The following ABCA7 variants were observed in gnomAD, a reference collection of about 807,000 sequenced individuals.
ABCA7 encodes phospholipid-transporting ATPase ABCA7.
A neutral mutation model predicts 227.6 loss-of-function variants in ABCA7; 261 were observed. That is an observed-to-expected ratio of 1.15 (90% confidence interval 1.04 to 1.27). ABCA7 has a LOEUF of 1.27. Ranked by LOEUF, ABCA7 falls within the 50% of genes most tolerant of loss-of-function variation. The pLI is 0.00. For missense variants in ABCA7, 3,331 were observed against 2,924.5 expected (o/e 1.14, Z -3.21); for synonymous variants, 1,488 against 1,279.7 (o/e 1.16, Z -3.47).
chr19:1,060,409 C>A (rs1408475560), intron 40 of ABCA7, among the ~76,000 whole-genome samples: 1 of 151,580 alleles, frequency 6.6e-6, no homozygotes, highest in South Asian at 2.1e-4. Context: ...CGGGGTTTCA[C>A]CATGTTGGCC....
chr19:1,046,317 G>A lies in ABCA7; in HGVS notation c.1533G>A (p.Glu511=), dbSNP rs758858591. ...GGFVYLQDLV[E]RAAVRVLSGA... ...TCGTGTACCTGCAAGACCTGGTGGA[G>A]CGTGCAGCCGTCCGCGTGCTCAGCG... Residue 511 remains glutamate, a synonymous_variant, in exon 13 of 47, where the codon GAG becomes GAA. Transcript: ENST00000263094. 6.9e-6 allele frequency: 11 copies of A among 1,604,320 alleles called. No homozygotes were observed. Among genetic ancestry groups the A allele is most frequent in the Non-Finnish European group, 8.5e-6 (10 of 1,179,422 alleles).
chr19:1,047,518 C>A lies in ABCA7; in HGVS notation c.2133C>A (p.Gly711=). ...CESLALLEEQ[G]EGAQWHNVGT... ...GCCTGGCTCTGCTGGAGGAGCAGGG[C>A]GAGGGCGCGCAGTGGCACAACGTGG... The change falls in exon 16 of 47, where the codon GGC becomes GGA. Residue 711 remains glycine, a synonymous_variant. Transcript: ENST00000263094. 1 of 1,589,438 alleles carries A rather than the reference C, an allele frequency of 6.3e-7. No individual in the cohort carries two copies.
chr19:1,062,437 A>G (rs1207861381), intron 42 of ABCA7, 124 bp downstream of exon 42: 35 of 1,455,396 alleles, frequency 2.4e-5, no homozygotes, highest in Non-Finnish European at 3.2e-5. Flanking sequence ...CTGCCCCCAG[A>G]CCGTGCTTCC....
chr19:1,047,679 G>A (rs1397115230), intron 16 of ABCA7, 25 bp downstream of exon 16: 7 of 1,559,770 alleles, frequency 4.5e-6, no homozygotes, highest in East Asian at 2.3e-5. Flanking sequence ...GCGGGGCTCC[G>A]GGCCGGGTCG....
rs762678971 is a variant in ABCA7 at position 1,047,189 on chromosome 19, CG to C, written c.1879del (p.Val627TrpfsTer14). On this transcript the variant is annotated frameshift_variant, in exon 15 of 47. Coordinates refer to ENST00000263094, the MANE Select transcript of ABCA7 (RefSeq NM_019112.4). LOFTEE classifies it high-confidence loss of function. Reference protein sequence around the residue: ...GDILPYSHPGVVFLFLAAFAV... With the variant: ...GDILPYSHPGXVFLFLAAFAV... Reference sequence around the variant, plus strand: ...ACATCCTCCCCTACAGCCACCCGGGCGTGGTCTTCCTGTTCTTGGCAGCCTT... The same window carrying C: ...ACATCCTCCCCTACAGCCACCCGGGCTGGTCTTCCTGTTCTTGGCAGCCTT... The C allele has an allele frequency of 6.2e-7, 1 of 1,605,446 alleles. No homozygotes were observed. The highest frequency in any genetic ancestry group is 1.3e-5 in the African/African-American group (1 of 74,692).
At position 1,045,027 on chromosome 19, in the gene ABCA7, C is replaced by G. The variant is rs10405305; in HGVS notation, c.1241C>G (p.Ala414Gly). The G allele has an allele frequency of 4.9e-3, 7,835 of 1,612,668 alleles. 321 individuals carry two copies. In the African/African-American group the frequency reaches 0.09, roughly 19 times the overall value. Residue 414 changes from alanine to glycine, a missense_variant, in exon 12 of 47, where the codon GCG becomes GGG. Transcript: ENST00000263094. ...TGCCTGTCCTTGGACAAGCTGGAGG[C>G]GGCACCCTCAGAGGCAGCCCTGGTG... ...TECLSLDKLEAAPSEAALVSR... is the reference protein window; with the variant it reads ...TECLSLDKLEGAPSEAALVSR...
chr19:1,051,194 G>A lies in ABCA7; in HGVS notation c.2724G>A (p.Leu908=). The change falls in exon 20 of 47, where the codon CTG becomes CTA. Residue 908 remains leucine (L), a synonymous_variant. Coordinates refer to ENST00000263094, the MANE Select transcript of ABCA7 (RefSeq NM_019112.4). ...AGCACGTCTGGTTCTATGGGCGGCT[G>A]AAGGGTCTGAGTGCCGCTGTAGTGG... ...VDEHVWFYGR[L]KGLSAAVVGP... 1 of 1,611,336 alleles carries A rather than the reference G, an allele frequency of 6.2e-7. No homozygotes were observed. The highest frequency in any genetic ancestry group is 1.1e-5 in the South Asian group (1 of 91,072).
chr19:1,057,926 C>G lies in ABCA7; in HGVS notation c.4892C>G (p.Thr1631Arg). The G allele has an allele frequency of 6.2e-7, 1 of 1,614,088 alleles. No individual in the cohort carries two copies. The highest frequency in any genetic ancestry group is 1.1e-5 in the South Asian group (1 of 91,088). The change falls in exon 36 of 47, where the codon ACA (threonine) becomes AGA (arginine). Residue 1631 changes from threonine (T) to arginine (R), a missense_variant. Physicochemically the swap from Thr to Arg is moderately conservative, Grantham distance 71. Transcript: ENST00000263094. Reference sequence around the variant, plus strand: ...TATTGTCCCTTCAGCTGGTCGATCACACCGCTCATGTACCCAGCCTCCTTC... The same window carrying G: ...TATTGTCCCTTCAGCTGGTCGATCAGACCGCTCATGTACCCAGCCTCCTTC... ...LLLLLYGWSI[T>R]PLMYPASFFF...
At position 1,058,103 on chromosome 19, in the gene ABCA7, G is replaced by A. The variant is rs770167602; in HGVS notation, c.5026-43G>A. 3 of 1,613,936 alleles carry A rather than the reference G, an allele frequency of 1.9e-6. No homozygotes were observed. The South Asian group carries it at 3.3e-5, about 18-fold the overall frequency. On this transcript the variant is annotated intron_variant, in intron 36 of 46. Transcript: ENST00000263094. ...GGGGCTTGGGCTGGGTTGGGTCGTTGGACTCAGCCCCTGACCAACATCCGT... is the reference window on the plus strand; with the variant it reads ...GGGGCTTGGGCTGGGTTGGGTCGTTAGACTCAGCCCCTGACCAACATCCGT...
rs2144816979 is a variant in ABCA7 at position 1,051,362 on chromosome 19, G to A, written c.2824+68G>A. The A allele has an allele frequency of 3.1e-6, 5 of 1,588,010 alleles. No homozygotes were observed. The African/African-American group carries it at 4.0e-5, about 13-fold the overall frequency. On this transcript the variant is annotated intron_variant, in intron 20 of 46. Coordinates refer to ENST00000263094, the MANE Select transcript of ABCA7 (RefSeq NM_019112.4). Reference sequence around the variant, plus strand: ...TGGGGATTCATCCTGAAGGCAGGGGGAAGCCGGGTACTGAGGTCCACGTGG... The same window carrying A: ...TGGGGATTCATCCTGAAGGCAGGGGAAAGCCGGGTACTGAGGTCCACGTGG...
chr19:1,056,149 C>A lies in ABCA7; in HGVS notation c.4322C>A (p.Ala1441Glu). 2 of 1,609,422 alleles carry A rather than the reference C, an allele frequency of 1.2e-6. No individual in the cohort carries two copies. The highest frequency in any genetic ancestry group is 8.5e-7 in the Non-Finnish European group (1 of 1,179,482). Reference sequence around the variant, plus strand: ...GGCCGCTCAGTGGAGGAGTTGTGGGCGCTGCTGAGTCCCCTGCCTGGCGGG... The same window carrying A: ...GGCCGCTCAGTGGAGGAGTTGTGGGAGCTGCTGAGTCCCCTGCCTGGCGGG... ...ELGRSVEELW[A>E]LLSPLPGGAL... The change falls in exon 32 of 47, where the codon GCG (alanine) becomes GAG (glutamate). Residue 1441 changes from alanine (A) to glutamate (E), a missense_variant. By Grantham distance (107) the Ala-to-Glu change is moderately radical. Transcript: ENST00000263094. The surrounding 1 kb of genome is among the most constrained non-coding windows in gnomAD (Gnocchi z 4.3).
In ABCA7 at chr19:1,047,479, C is replaced by G. The variant is rs372209007; in HGVS notation, c.2094C>G (p.Gly698=). ...GCCTGCTGTCGCCCGTGGCCTTCGG[C>G]TTCGGCTGCGAGAGCCTGGCTCTGC... ...AASLLSPVAF[G]FGCESLALLE... Residue 698 remains glycine, a synonymous_variant, in exon 16 of 47, where the codon GGC becomes GGG. Transcript: ENST00000263094. The G allele has an allele frequency of 6.4e-7, 1 of 1,564,016 alleles. No individual in the cohort carries two copies. Among genetic ancestry groups the G allele is most frequent in the Non-Finnish European group, 8.6e-7 (1 of 1,159,744 alleles).
chr19:1,062,456 T>G, intron 42 of ABCA7, 143 bp downstream of exon 42: 2 of 1,311,746 alleles, frequency 1.5e-6, no homozygotes, highest in Non-Finnish European at 2.1e-6. Context: ...CCTTCCCCTA[T>G]ACCTCTGTCC....
rs1409621003 is a variant in ABCA7, at chr19:1,051,964, C to T, written c.2985C>T (p.Thr995=). ...YREGRTLILS[T]HHLDEAELLG... is the part of the protein sequence containing the mutation. ...TAGGTCGCACGCTGATCCTCTCCAC[C>T]CACCACCTGGATGAGGCAGAGCTGC... is the stretch of plus-strand genomic sequence containing the variant. The change falls in exon 22 of 47, where the codon ACC becomes ACT. Residue 995 remains threonine, a synonymous_variant. Coordinates refer to ENST00000263094, the MANE Select transcript of ABCA7 (RefSeq NM_019112.4). The T allele has an allele frequency of 6.2e-7, 1 of 1,611,992 alleles. No individual in the cohort carries two copies. Among genetic ancestry groups the T allele is most frequent in the South Asian group, 1.1e-5 (1 of 91,064 alleles).
rs776057272 is a variant in ABCA7 at position 1,046,893 on chromosome 19, GAGA to G, written c.1717_1719del (p.Lys573del). 42 of 1,551,498 alleles carry G rather than the reference GAGA, an allele frequency of 2.7e-5. No homozygotes were observed. Among genetic ancestry groups the G allele is most frequent in the Non-Finnish European group, 3.4e-5 (39 of 1,153,406 alleles). On this transcript the variant is annotated inframe_deletion, in exon 14 of 47. Transcript: ENST00000263094. ...ACTGACAGTGAAGGCCGTGGTGCGGGAGAAGGAGACGCGGCTGCGGGACACCAT... is the reference window on the plus strand; with the variant it reads ...ACTGACAGTGAAGGCCGTGGTGCGGGAGGAGACGCGGCTGCGGGACACCAT...
chr19:1,055,284 C>G lies in ABCA7; in HGVS notation c.4138C>G (p.Gln1380Glu), dbSNP rs1390662124. The G allele has an allele frequency of 6.2e-7, 1 of 1,604,140 alleles. No homozygotes were observed. Among genetic ancestry groups the G allele is most frequent in the Admixed American group, 1.7e-5 (1 of 59,130 alleles). The change falls in exon 30 of 47, where the codon CAG (glutamine) becomes GAG (glutamate). Residue 1380 changes from glutamine (Q) to glutamate (E), a missense_variant. Coordinates refer to ENST00000263094, the MANE Select transcript of ABCA7 (RefSeq NM_019112.4). ...AGTGACCGGCTCTGGGGAAGTGGTT[C>G]AGAACCTGACAGGCCGGAACCTGTC... ...QAVTGSGEVV[Q>E]NLTGRNLSDF... is the part of the protein sequence containing the mutation.
rs1227538923 is a variant in ABCA7 at position 1,042,811 on chromosome 19, G to A, written c.564G>A (p.Glu188=). 5 of 1,608,160 alleles carry A rather than the reference G, an allele frequency of 3.1e-6. No individual in the cohort carries two copies. Among genetic ancestry groups the A allele is most frequent in the African/African-American group, 1.3e-5 (1 of 74,502 alleles). ...EPLHSLLEAA[E]DLAQELLALR... ...TGCACAGCTTGTTGGAGGCCGCTGAGGACCTGGCCCAGGAGGTACGAGGCC... is the reference window on the plus strand; with the variant it reads ...TGCACAGCTTGTTGGAGGCCGCTGAAGACCTGGCCCAGGAGGTACGAGGCC... Residue 188 remains glutamate, a synonymous_variant, in exon 7 of 47, where the codon GAG becomes GAA. Coordinates refer to ENST00000263094, the MANE Select transcript of ABCA7 (RefSeq NM_019112.4).
At position 1,058,822 on chromosome 19, in the gene ABCA7, C is replaced by G; in HGVS notation, c.5282C>G (p.Pro1761Arg). 6.3e-7 allele frequency: 1 copy of G among 1,580,760 alleles called. No homozygotes were observed. ...GCCCACAGATATTCTGTCCCCAGGC[C>G]CAGGGTGAGGTCTCTGCCACTCCTG... Reference protein sequence around the residue: ...LQHRSQLLPQPRVRSLPLLGE... With the variant: ...LQHRSQLLPQRRVRSLPLLGE... Residue 1761 changes from proline to arginine, a missense_variant and splice_region_variant, in exon 39 of 47, where the codon CCC becomes CGC. Coordinates refer to ENST00000263094, the MANE Select transcript of ABCA7 (RefSeq NM_019112.4).
intron 21 of ABCA7, 138 bp downstream of exon 21, chr19:1,051,724 T>C: frequency 9.5e-7 from 1 of 1,053,516 alleles, no homozygotes; most frequent in Non-Finnish European, 1.4e-6. Context: ...GGGCTACTGC[T>C]CAAATACCGA....
Sources: gnomAD v4.1 joint callset for allele counts (sites outside exome capture counted in the v4.1 genomes callset) on GRCh38, gnomAD v4.1.1 for gene constraint, Gnocchi (gnomAD v3.1) non-coding constraint, MANE v1.5 for transcripts, NCBI Gene and HGNC (gene_info 2026-07-23, HGNC 2026-07-21) for gene names.